Variants in TTC3 observed in about 807,000 individuals in gnomAD.
TTC3 encodes tetratricopeptide repeat domain 3, also known as E3 ubiquitin-protein ligase TTC3.
A neutral mutation model predicts 249.6 loss-of-function variants in TTC3; 180 were observed. The ratio of observed to expected loss-of-function variants is 0.72; its 90% CI spans 0.64 to 0.82. The LOEUF is 0.82. TTC3 is among the 40% of genes least tolerant of loss of function. TTC3 has a pLI of 0.00. For synonymous variants in TTC3, 717 were observed against 805.0 expected, an observed-to-expected ratio of 0.89 and a Z score of 1.85; for missense variants, 2,061 against 2,398.4, an observed-to-expected ratio of 0.86 and a Z score of 2.94.
chr21:37,127,228 T>C (rs2077106280), intron 15 of TTC3, among the ~76,000 whole-genome samples: 1 of 152,138 alleles, frequency 6.6e-6, no homozygotes, highest in Non-Finnish European at 1.5e-5. Context: ...CTCCCAAAGG[T>C]TCCACTTCCT....
In TTC3 at chr21:37,182,860, AAGAC is replaced by A. The variant is rs1397349926; in HGVS notation, c.4705_4708del (p.Arg1569Ter). The A allele has an allele frequency of 1.3e-6, 2 of 1,596,408 alleles. No individual in the cohort carries two copies. The highest frequency in any genetic ancestry group is 1.7e-6 in the Non-Finnish European group (2 of 1,175,124). ...AACAGGAAAAAAAAGAAATCCAAGA[AAGAC>A]TAAAATCACTGAAGAAGAAAATTAA... is the stretch of plus-strand genomic sequence containing the variant. On this transcript the variant is annotated frameshift_variant, in exon 36 of 46. Transcript: ENST00000355666. LOFTEE classifies it high-confidence loss of function.
At chr21:37,178,202 A>G (rs962044861) in intron 35 of TTC3, among the ~76,000 whole-genome samples, 2 of 152,202 alleles carry the variant, frequency 1.3e-5, no homozygotes, top group African/African-American at 4.8e-5. Flanking sequence ...ACTATATCAC[A>G]TTTTATTCAT....
chr21:37,168,851 A>G (rs1291006658), intron 34 of TTC3, among the ~76,000 whole-genome samples: 1 of 152,210 alleles, frequency 6.6e-6, no homozygotes, highest in Non-Finnish European at 1.5e-5. Context: ...GCTAGCCAAG[A>G]TGTTGACCAG....
At chr21:37,154,797 G>A (rs969070562) in intron 27 of TTC3, among the ~76,000 whole-genome samples, 2 of 152,142 alleles carry the variant, frequency 1.3e-5, no homozygotes, top group Admixed American at 1.3e-4. Flanking sequence ...CCGGGTTCAC[G>A]CCATTCTCCT....
At position 37,197,707 on chromosome 21, in the gene TTC3, T is replaced by G. The variant is rs1267366500; in HGVS notation, c.5706+11T>G. 5.6e-6 allele frequency: 9 copies of G among 1,593,548 alleles called. No individual in the cohort carries two copies. The highest frequency in any genetic ancestry group is 7.7e-6 in the Non-Finnish European group (9 of 1,172,458). On this transcript the variant is annotated intron_variant, in intron 43 of 45. Transcript: ENST00000355666. ...CAGAAAAAGAAAAAGGTATTTTATC[T>G]AGATGTTCCAGTTTATCCTTATTTA...
At chr21:37,125,077 CTG>C (rs923876147) in intron 14 of TTC3, among the ~76,000 whole-genome samples, 1 of 152,158 alleles carries the variant, frequency 6.6e-6, no homozygotes, top group African/African-American at 2.4e-5. Flanking sequence ...TTCTAAGAGA[CTG>C]TGTTCAGTTA....
rs563154002 is a variant in TTC3, at chr21:37,162,617, G to GT, written c.3170+564dup. ...TTATGAACCAAAAATGTACAACATG[G>GT]TTTTTTTTTTCTCATTTCTTAAAGG... On this transcript the variant is annotated intron_variant, in intron 31 of 45. Coordinates refer to ENST00000355666, the Ensembl canonical transcript of TTC3. 3.1e-3 allele frequency among the ~76,000 whole-genome samples: 465 copies of GT among 148,958 alleles called. 4 individuals are homozygous for GT. The highest frequency in any genetic ancestry group is 8.7e-3 in the African/African-American group (353 of 40,652).
At chr21:37,190,858 G>C (rs1422386408) in intron 39 of TTC3, among the ~76,000 whole-genome samples, 3 of 152,150 alleles carry the variant, frequency 2.0e-5, no homozygotes, top group Non-Finnish European at 4.4e-5. Context: ...ACTTTCAATA[G>C]ACCAGATTCA....
intron 29 of TTC3, 127 bp from the exon 30 acceptor site, chr21:37,160,675 A>T: frequency 1.0e-6 from 1 of 969,154 alleles, no homozygotes; most frequent in Non-Finnish European, 1.6e-6. Flanking sequence ...CTGTAGTGTT[A>T]TTTTTGTTAA....
chr21:37,087,986 T>C (rs1215833869), intron 3 of TTC3, 111 bp downstream of exon 3: 1 of 983,696 alleles, frequency 1.0e-6, no homozygotes, highest in African/African-American at 1.6e-5. Flanking sequence ...AAATGTATTC[T>C]TACTAGTTTT....
chr21:37,089,636 C>T (rs2072983023), intron 5 of TTC3, among the ~76,000 whole-genome samples: 3 of 152,128 alleles, frequency 2.0e-5, no homozygotes, highest in Non-Finnish European at 2.9e-5. Context: ...GCCTCAGCCT[C>T]CCGAGTAGCT....
intron 1 of TTC3, among the ~76,000 whole-genome samples, chr21:37,075,668 T>C (rs1474347238): frequency 1.3e-5 from 2 of 152,244 alleles, no homozygotes; most frequent in South Asian, 2.1e-4. Context: ...TTGGCTTCTC[T>C]TGTAGCCCTG....
chr21:37,195,827 G>C, exon 42 of TTC3: 1 of 1,614,244 alleles, frequency 6.2e-7, no homozygotes, highest in Non-Finnish European at 8.5e-7. Context: ...CTTCTGCGCT[G>C]TTGCCAGGGC....
At chr21:37,101,515 A>T (rs993273293) in intron 10 of TTC3, among the ~76,000 whole-genome samples, 13 of 151,884 alleles carry the variant, frequency 8.6e-5, no homozygotes, top group African/African-American at 3.1e-4. Flanking sequence ...CCCCCTTTTT[A>T]AAAAAACAGT....
At chr21:37,126,041 GT>G (rs201506911) in intron 14 of TTC3, 38 bp from the exon 15 acceptor site, 124,464 of 1,145,772 alleles carry the variant, frequency 0.11, 29 homozygotes, top group South Asian at 0.15. Flanking sequence ...TGGCTGGGTT[GT>G]TTTTTTTTTT....
intron 35 of TTC3, among the ~76,000 whole-genome samples, chr21:37,177,317 G>A (rs3787793): frequency 0.01 from 1,528 of 152,236 alleles, 15 homozygotes; most frequent in East Asian, 0.03. Context: ...AGACCCCACC[G>A]GCAAAAGCAG....
intron 31 of TTC3, among the ~76,000 whole-genome samples, chr21:37,163,650 TA>T (rs2080982950): frequency 6.6e-6 from 1 of 152,006 alleles, no homozygotes; most frequent in Non-Finnish European, 1.5e-5. Flanking sequence ...ACACCTGGCT[TA>T]AAAAAAACCT....
intron 1 of TTC3, among the ~76,000 whole-genome samples, chr21:37,074,165 G>T (rs945048265): frequency 6.6e-6 from 1 of 151,862 alleles, no homozygotes; most frequent in African/African-American, 2.4e-5. Flanking sequence ...GACCCAGGAG[G>T]GGGGTAACCT....
chr21:37,130,204 T>C (rs925608973), intron 16 of TTC3, among the ~76,000 whole-genome samples: 8 of 152,098 alleles, frequency 5.3e-5, no homozygotes, highest in Admixed American at 1.3e-4. Context: ...TTTTCAAAAA[T>C]GACCATTTTT....
Sources: gnomAD v4.1 joint callset for allele counts (sites outside exome capture counted in the v4.1 genomes callset) on GRCh38, gnomAD v4.1.1 for gene constraint, MANE v1.5 for transcripts, NCBI Gene and HGNC (gene_info 2026-07-23, HGNC 2026-07-21) for gene names.